Variants in ZNF407 observed in about 807,000 individuals in gnomAD.
ZNF407 encodes the protein zinc finger protein 407.
Under a neutral mutation model 131.2 loss-of-function variants are expected in ZNF407, and 17 were observed. That is an observed-to-expected ratio of 0.13 (90% CI 0.09 to 0.19). The LOEUF is 0.19. ZNF407 is among the 10% of genes least tolerant of loss of function. The pLI is 1.00. For synonymous variants in ZNF407, 1,156 were observed against 1,062.0 expected (o/e 1.09, Z -1.72); for missense variants, 2,681 against 2,830.6 (o/e 0.95, Z 1.20).
intron 4 of ZNF407, among the ~76,000 whole-genome samples, chr18:74,837,230 T>C (rs1247180322): frequency 6.6e-6 from 1 of 152,234 alleles, no homozygotes; most frequent in Non-Finnish European, 1.5e-5. Flanking sequence ...TATTCTTTTC[T>C]GAAAGAAAAT....
At chr18:74,824,953 A>G (rs1275110001) in intron 4 of ZNF407, among the ~76,000 whole-genome samples, 1 of 152,228 alleles carries the variant, frequency 6.6e-6, no homozygotes, top group Non-Finnish European at 1.5e-5. Flanking sequence ...ATCGATGGGA[A>G]CATCCTCAAG....
At chr18:74,794,156 C>CAG (rs957651707) in intron 4 of ZNF407, among the ~76,000 whole-genome samples, 2 of 152,190 alleles carry the variant, frequency 1.3e-5, no homozygotes, top group African/African-American at 4.8e-5. Context: ...AGAACAGTGG[C>CAG]AGAAGCCTGT....
At chr18:74,730,488 A>G (rs1395490562) in intron 3 of ZNF407, among the ~76,000 whole-genome samples, 1 of 152,200 alleles carries the variant, frequency 6.6e-6, no homozygotes, top group Non-Finnish European at 1.5e-5. Context: ...TACCCGAAGT[A>G]GCTACTGCCC....
At chr18:74,653,357 A>G (rs1262207890) in intron 3 of ZNF407, among the ~76,000 whole-genome samples, 8 of 152,050 alleles carry the variant, frequency 5.3e-5, no homozygotes, top group African/African-American at 9.6e-5. Flanking sequence ...TATTGTGTCC[A>G]TTAAACCTGC....
chr18:74,664,754 T>G (rs1985865152), intron 3 of ZNF407, among the ~76,000 whole-genome samples: 2 of 152,032 alleles, frequency 1.3e-5, no homozygotes, highest in South Asian at 4.2e-4. Flanking sequence ...TTTCTTACCC[T>G]CTCTTATAGC....
At chr18:74,600,434 T>G (rs557895733) in intron 1 of ZNF407, among the ~76,000 whole-genome samples, 2 of 152,344 alleles carry the variant, frequency 1.3e-5, no homozygotes, top group South Asian at 2.1e-4. Context: ...TTATTGCTCC[T>G]GCATCTTTGT....
rs796807329 is a variant in ZNF407, at chr18:75,049,105, G to C, written c.5429-14045G>C. 2.7e-5 allele frequency among the ~76,000 whole-genome samples: 4 copies of C among 149,244 alleles called. 1 individual carries two copies. The highest frequency in any genetic ancestry group is 7.6e-5 in the African/African-American group (3 of 39,596). On this transcript the variant is annotated intron_variant, in intron 8 of 8. Coordinates refer to ENST00000299687, the MANE Select transcript of ZNF407 (RefSeq NM_017757.3). The stretch of plus-strand genomic sequence containing the variant: ...GGTAGTATTTTTTTTTTTTGGGTGG[G>C]GGGGGGGTGGGGGAGTTGTTCGTCA...
At chr18:75,009,941 C>T (rs1341590297) in intron 8 of ZNF407, among the ~76,000 whole-genome samples, 1 of 152,144 alleles carries the variant, frequency 6.6e-6, no homozygotes, top group African/African-American at 2.4e-5. Flanking sequence ...CATAGAATTG[C>T]ATTTTACAAG....
At chr18:74,808,091 G>A (rs958133764) in intron 4 of ZNF407, among the ~76,000 whole-genome samples, 3 of 151,874 alleles carry the variant, frequency 2.0e-5, no homozygotes, top group Non-Finnish European at 4.4e-5. Context: ...TCGGCACACC[G>A]CAACTTCCGC....
At chr18:74,813,466 C>A (rs938053210) in intron 4 of ZNF407, among the ~76,000 whole-genome samples, 6 of 125,366 alleles carry the variant, frequency 4.8e-5, no homozygotes, top group Middle Eastern at 3.6e-3. Context: ...GCGTCACCCC[C>A]TTCACCCCAC....
intron 3 of ZNF407, among the ~76,000 whole-genome samples, chr18:74,697,907 A>G (rs910829046): frequency 1.3e-5 from 2 of 152,254 alleles, no homozygotes; most frequent in Admixed American, 6.5e-5. Context: ...GCATAAATCA[A>G]TGACCTAGGA....
chr18:74,716,771 C>A (rs187636869), intron 3 of ZNF407, among the ~76,000 whole-genome samples: 40 of 152,160 alleles, frequency 2.6e-4, no homozygotes, highest in African/African-American at 7.7e-4. Flanking sequence ...AGCAATGTAT[C>A]GGTAATGTTT....
intron 4 of ZNF407, among the ~76,000 whole-genome samples, chr18:74,876,116 T>C (rs1971152577): frequency 6.6e-6 from 1 of 152,214 alleles, no homozygotes; most frequent in African/African-American, 2.4e-5. Context: ...TATGTGAAAG[T>C]ATACACTCAA....
In ZNF407 at chr18:74,665,028, C is replaced by T. The variant is rs146178233; in HGVS notation, c.4802+23906C>T. ...CAGGTTTCACCTCTGCTTTCTCCTC[C>T]GCAATAAGGAGATTGTTCAAGGAGT... is the stretch of plus-strand genomic sequence containing the variant. On this transcript the variant is annotated intron_variant, in intron 3 of 8. Transcript: ENST00000299687. 7.7e-3 allele frequency among the ~76,000 whole-genome samples: 1,165 copies of T among 152,286 alleles called. 15 individuals are homozygous for T. Among genetic ancestry groups the T allele is most frequent in the African/African-American group, 0.026 (1,086 of 41,560 alleles).
chr18:74,791,101 A>T (rs1424860025), intron 4 of ZNF407, among the ~76,000 whole-genome samples: 2 of 152,180 alleles, frequency 1.3e-5, no homozygotes, highest in African/African-American at 4.8e-5. Flanking sequence ...CAAGCAGATG[A>T]TTGATAATCC....
At chr18:74,947,320 A>G (rs1972164345) in intron 8 of ZNF407, among the ~76,000 whole-genome samples, 1 of 152,150 alleles carries the variant, frequency 6.6e-6, no homozygotes, top group African/African-American at 2.4e-5. Flanking sequence ...AGAAATAAAA[A>G]TATTATGAAG....
At chr18:74,777,809 TG>T (rs1028992640) in intron 3 of ZNF407, among the ~76,000 whole-genome samples, 3 of 151,824 alleles carry the variant, frequency 2.0e-5, no homozygotes, top group African/African-American at 7.3e-5. Context: ...AGGCTAGGTG[TG>T]GTGGCTCACA....
intron 3 of ZNF407, among the ~76,000 whole-genome samples, chr18:74,752,791 T>C (rs1393802903): frequency 7.9e-5 from 12 of 152,326 alleles, no homozygotes; most frequent in African/African-American, 2.9e-4. Flanking sequence ...TGTAATATAG[T>C]TTGAAGCTAG....
intron 8 of ZNF407, among the ~76,000 whole-genome samples, chr18:74,969,801 T>G (rs1972451563): frequency 6.6e-6 from 1 of 152,222 alleles, no homozygotes; most frequent in Non-Finnish European, 1.5e-5. Context: ...GCACTTGTTA[T>G]TGATGGTTTG....
Sources: gnomAD v4.1 joint callset for allele counts (sites outside exome capture counted in the v4.1 genomes callset) on GRCh38, gnomAD v4.1.1 for gene constraint, MANE v1.5 for transcripts, NCBI Gene and HGNC (gene_info 2026-07-23, HGNC 2026-07-21) for gene names.